Variants in ITPR3 observed in about 807,000 individuals in gnomAD.
ITPR3 encodes the protein inositol 1,4,5-trisphosphate-gated calcium channel ITPR3.
A neutral mutation model predicts 293.2 loss-of-function variants in ITPR3; 173 were observed. The observed-to-expected ratio is 0.59, with a 90% CI of 0.52 to 0.67. The LOEUF is 0.67. Ranked by LOEUF, ITPR3 falls within the 30% of genes least tolerant of loss-of-function variation. The pLI, the probability that ITPR3 is intolerant of heterozygous loss-of-function variation, is 0.00. For missense variants in ITPR3, 2,796 were observed against 3,592.1 expected, an observed-to-expected ratio of 0.78 and a Z score of 5.66; for synonymous variants, 1,295 against 1,444.4, an observed-to-expected ratio of 0.90 and a Z score of 2.35.
At position 33,695,853 on chromosome 6, in the gene ITPR3, C is replaced by A; in HGVS notation, c.*73C>A. The stretch of plus-strand genomic sequence containing the variant: ...GCGACTGGGAAGAACACTGCCCCCT[C>A]CCTCGGGTTGGGTGGCCCAGCCAGC... On this transcript the variant is annotated 3_prime_UTR_variant, in exon 58 of 58. Transcript: ENST00000605930. 6.7e-7 allele frequency: 1 copy of A among 1,501,812 alleles called. No homozygotes were observed. Among genetic ancestry groups the A allele is most frequent in the Non-Finnish European group, 9.2e-7 (1 of 1,082,258 alleles). 93.0% of individuals were successfully genotyped at this position (1,501,812 alleles called of 1,614,324 possible). A position where few individuals can be genotyped will look rare whatever the true frequency, so the allele number is the denominator to read the frequency against.
rs1053959079 is a variant in ITPR3 at position 33,691,828 on chromosome 6, G to A, written c.7358G>A (p.Arg2453Gln). Residue 2453 changes from arginine to glutamine, a missense_variant, in exon 54 of 58, where the codon CGG becomes CAG. Coordinates refer to ENST00000605930, the MANE Select transcript of ITPR3 (RefSeq NM_002224.4). The surrounding 1 kb of genome is among the most constrained non-coding windows in gnomAD (Gnocchi z 4.9). ...EEDRELDSTERACDTLLMCIV... is the reference protein window; with the variant it reads ...EEDRELDSTEQACDTLLMCIV... ...GACAGGGAGCTGGACAGCACAGAGCGGGCCTGTGACACTCTGTTGATGTGC... is the reference window on the plus strand; with the variant it reads ...GACAGGGAGCTGGACAGCACAGAGCAGGCCTGTGACACTCTGTTGATGTGC... The A allele has an allele frequency of 2.7e-5, 44 of 1,614,122 alleles. No individual in the cohort carries two copies. The highest frequency in any genetic ancestry group is 1.6e-4 in the Middle Eastern group (1 of 6,062).
Position 33,684,743 on chromosome 6 carries a change from C to A in ITPR3, c.5138-31C>A, listed in dbSNP as rs371774554. On this transcript the variant is annotated intron_variant, in intron 38 of 57. Coordinates refer to ENST00000605930, the MANE Select transcript of ITPR3 (RefSeq NM_002224.4). This position sits in a 1 kb window ranked among gnomAD's most constrained non-coding sequence, Gnocchi z 4.2. The stretch of plus-strand genomic sequence containing the variant: ...CCTCCCTTCCACTCTCCTGTCACAC[C>A]AGCTCTCCCTCAACCGAGTCCCGCC... The A allele has an allele frequency of 4.3e-6, 7 of 1,610,268 alleles. No homozygotes were observed. The South Asian group carries it at 4.4e-5, about 10-fold the overall frequency.
chr6:33,681,476 AT>A (rs1437548276), intron 33 of ITPR3, among the ~76,000 whole-genome samples: 2 of 152,214 alleles, frequency 1.3e-5, no homozygotes, highest in African/African-American at 4.8e-5. Context: ...CAGAAGCCTG[AT>A]TTGAATCTCG....
chr6:33,642,479 T>C (rs929991051), intron 2 of ITPR3, among the ~76,000 whole-genome samples: 6 of 151,934 alleles, frequency 3.9e-5, no homozygotes, highest in Admixed American at 6.6e-5. Context: ...GCTTTGCATG[T>C]GTGTCGAGGT....
rs1765458171 is a variant in ITPR3 at position 33,693,717 on chromosome 6, G to C, written c.7785+12G>C. 1.2e-6 allele frequency: 2 copies of C among 1,612,848 alleles called. No individual in the cohort carries two copies. The highest frequency in any genetic ancestry group is 1.3e-5 in the African/African-American group (1 of 74,912). The stretch of plus-strand genomic sequence containing the variant: ...CCCAGATGATCAAGGTGTGAGCAGG[G>C]GCTGTGCCAGGCCTGTGGGCCCAAA... On this transcript the variant is annotated intron_variant, in intron 56 of 57. Transcript: ENST00000605930.
chr6:33,679,859 C>G lies in ITPR3; in HGVS notation c.3973-23C>G. 1.9e-6 allele frequency: 3 copies of G among 1,598,498 alleles called. No individual in the cohort carries two copies. The Admixed American group carries it at 5.0e-5, about 27-fold the overall frequency. ...GGCTTGCTGGACCGAGAGAGTGTGA[C>G]ACGTGCCCCCTCCCACCCGCAGCTG... On this transcript the variant is annotated intron_variant, in intron 30 of 57. Coordinates refer to ENST00000605930, the MANE Select transcript of ITPR3 (RefSeq NM_002224.4). The surrounding 1 kb of genome is among the most constrained non-coding windows in gnomAD (Gnocchi z 4.2).
rs756112186 is a variant in ITPR3, at chr6:33,676,810, G to A, written c.3325G>A (p.Val1109Met). 1.9e-6 allele frequency: 3 copies of A among 1,614,208 alleles called. No individual in the cohort carries two copies. Among genetic ancestry groups the A allele is most frequent in the South Asian group, 1.1e-5 (1 of 91,082 alleles). ...ISAQDVENYK[V>M]IKSELDRLRT... ...AGCGCAGGACGTGGAGAACTACAAG[G>A]TGATCAAGTCGGAGCTGGACCGGCT... Residue 1109 changes from valine to methionine, a missense_variant, in exon 26 of 58, where the codon GTG becomes ATG. Val to Met is a conservative substitution (Grantham distance 21). Around this residue, in one of 8 missense-constraint regions of ITPR3, gnomAD observed 955 missense variants for 1,180.8 expected, o/e 0.81. Coordinates refer to ENST00000605930, the MANE Select transcript of ITPR3 (RefSeq NM_002224.4).
intron 1 of ITPR3, among the ~76,000 whole-genome samples, chr6:33,631,290 G>A (rs1412164711): frequency 2.0e-5 from 3 of 152,212 alleles, no homozygotes; most frequent in African/African-American, 4.8e-5. Flanking sequence ...ATCAAGACGC[G>A]GAGACCAGTA....
At position 33,665,823 on chromosome 6, in the gene ITPR3, C is replaced by T. The variant is rs779369200; in HGVS notation, c.1410-12C>T. 1 of 1,613,584 alleles carries T rather than the reference C, an allele frequency of 6.2e-7. No homozygotes were observed. The highest frequency in any genetic ancestry group is 8.5e-7 in the Non-Finnish European group (1 of 1,179,582). ...TATCTCACACTCGTCATCCCCGGGT[C>T]CCCTCACCCAGGTTTGTCATCCAGC... On this transcript the variant is annotated splice_polypyrimidine_tract_variant and intron_variant, in intron 13 of 57. Transcript: ENST00000605930.
At chr6:33,641,624 C>G (rs370046384) in intron 2 of ITPR3, among the ~76,000 whole-genome samples, 1 of 152,050 alleles carries the variant, frequency 6.6e-6, no homozygotes, top group East Asian at 1.9e-4. Flanking sequence ...CATAAGGCCC[C>G]TTCACCCTAC....
At chr6:33,643,017 A>G (rs982847889) in intron 2 of ITPR3, among the ~76,000 whole-genome samples, 1 of 152,180 alleles carries the variant, frequency 6.6e-6, no homozygotes, top group Non-Finnish European at 1.5e-5. Flanking sequence ...GATGAGAGAC[A>G]TGGACTATAG....
Position 33,691,133 on chromosome 6 carries a change from G to A in ITPR3, c.7225+24G>A. The A allele has an allele frequency of 6.2e-7, 1 of 1,611,556 alleles. No homozygotes were observed. Among genetic ancestry groups the A allele is most frequent in the Middle Eastern group, 1.7e-4 (1 of 6,046 alleles). ...AGGTCTTGGAGGCTTCCTCTCCTGG[G>A]CAGGTTGTGGGGAATGAGGTTGGGT... On this transcript the variant is annotated intron_variant, in intron 52 of 57. Transcript: ENST00000605930. The surrounding 1 kb of genome is among the most constrained non-coding windows in gnomAD (Gnocchi z 4.9).
rs1570760 is a variant in ITPR3, at chr6:33,655,156, C to T, written c.161-610C>T. ...TTCTCAGGAGAACACAGTGAGGGAG[C>T]CTCTTCCTCTTTGTATAGGGCAGGA... On this transcript the variant is annotated intron_variant, in intron 2 of 57. Transcript: ENST00000605930. This position sits in a 1 kb window ranked among gnomAD's most constrained non-coding sequence, Gnocchi z 4.9. Among the ~76,000 whole-genome samples the T allele has an allele frequency of 0.2, 30,712 of 152,102 alleles. 3,754 individuals carry two copies. Among genetic ancestry groups the T allele is most frequent in the South Asian group, 0.29 (1,411 of 4,812 alleles).
At chr6:33,678,887 G>A (rs759276073) in intron 30 of ITPR3, 48 bp downstream of exon 30, 33 of 1,560,138 alleles carry the variant, frequency 2.1e-5, no homozygotes, top group African/African-American at 8.1e-5. Flanking sequence ...GTGGGGGACC[G>A]GAGCAGAGGC....
Position 33,684,667 on chromosome 6 carries a change from C to G in ITPR3, c.5116C>G (p.Leu1706Val). 6.2e-7 allele frequency: 1 copy of G among 1,614,066 alleles called. No homozygotes were observed. The change falls in exon 38 of 58, where the codon CTT (leucine) becomes GTT (valine). Residue 1706 changes from leucine (L) to valine (V), a missense_variant. Transcript: ENST00000605930. This position sits in a 1 kb window ranked among gnomAD's most constrained non-coding sequence, Gnocchi z 4.2. ...CCGGAAGTCCACCTCGCGGGGGGAC[C>G]TTCCCGACCCCATAGGCACTGGTCA... The part of the protein sequence containing the change: ...QNRKSTSRGD[L>V]PDPIGTGLDP...
intron 2 of ITPR3, among the ~76,000 whole-genome samples, chr6:33,647,754 G>T (rs1025963978): frequency 1.3e-5 from 2 of 152,110 alleles, no homozygotes; most frequent in Admixed American, 6.5e-5. Context: ...ATTTGTTTCA[G>T]CAGTCCCCCT....
chr6:33,680,713 G>T, intron 33 of ITPR3, 33 bp downstream of exon 33: 1 of 1,589,412 alleles, frequency 6.3e-7, no homozygotes, highest in Non-Finnish European at 8.6e-7. Context: ...CCCCAGGGCC[G>T]ACTTGCCTAG....
intron 28 of ITPR3, among the ~76,000 whole-genome samples, 183 bp downstream of exon 28, chr6:33,677,812 G>A (rs973137937): frequency 6.6e-6 from 1 of 152,038 alleles, no homozygotes; most frequent in Non-Finnish European, 1.5e-5. Context: ...TTCAACCTTT[G>A]ACCCTCTACC....
chr6:33,651,064 C>T (rs1764176317), intron 2 of ITPR3, among the ~76,000 whole-genome samples: 1 of 151,940 alleles, frequency 6.6e-6, no homozygotes, highest in African/African-American at 2.4e-5. Context: ...ATCACGAGGT[C>T]AGGAGATCGA....
Sources: allele counts gnomAD v4.1 joint callset (sites outside exome capture counted in the v4.1 genomes callset), GRCh38; gene constraint gnomAD v4.1.1; regional missense constraint gnomAD v4.1.1; non-coding constraint Gnocchi (gnomAD v3.1); transcripts MANE v1.5; gene names NCBI Gene and HGNC (gene_info 2026-07-23, HGNC 2026-07-21).